The following TAS2R1 variants were observed in gnomAD, a reference collection of about 807,000 sequenced individuals.
TAS2R1 encodes taste 2 receptor member 1, also known as taste receptor type 2 member 1.
For missense variants in TAS2R1, 370 were observed against 353.4 expected, an observed-to-expected ratio of 1.05 and a Z score of -0.38; for synonymous variants, 141 against 134.2, an observed-to-expected ratio of 1.05 and a Z score of -0.35.
At chr5:9,656,634 C>A (rs1740422673) in intron 2 of TAS2R1, among the ~76,000 whole-genome samples, 1 of 152,190 alleles carries the variant, frequency 6.6e-6, no homozygotes, top group South Asian at 2.1e-4. Context: ...TTGACTCCAA[C>A]CTGTGATTCT....
the TAS2R1 span, among the ~76,000 whole-genome samples, chr5:9,720,269 G>A: frequency 3.3e-5 from 5 of 152,308 alleles, no homozygotes; most frequent in Admixed American, 6.5e-5. Flanking sequence ...GTGGATCTGC[G>A]GGTTGTAGAA....
chr5:9,747,334 A>G, the TAS2R1 span, among the ~76,000 whole-genome samples: 1 of 152,132 alleles, frequency 6.6e-6, no homozygotes, highest in Admixed American at 6.6e-5. Context: ...TGAGTGGGGT[A>G]ATTTATAAAG....
chr5:9,898,357 T>A, the TAS2R1 span, among the ~76,000 whole-genome samples: 1 of 152,164 alleles, frequency 6.6e-6, no homozygotes, highest in Non-Finnish European at 1.5e-5. Flanking sequence ...CAAAGCCTCC[T>A]CATCTCCTGG....
chr5:9,695,589 G>A (rs1741340400), intron 1 of TAS2R1, among the ~76,000 whole-genome samples: 1 of 152,152 alleles, frequency 6.6e-6, no homozygotes. Flanking sequence ...TGGGTGCACT[G>A]GGGGTGGGAG....
chr5:9,877,841 T>G, the TAS2R1 span, among the ~76,000 whole-genome samples: 1 of 152,224 alleles, frequency 6.6e-6, no homozygotes, highest in South Asian at 2.1e-4. Flanking sequence ...CTCTTCTTTT[T>G]TTTGAAGGCA....
At chr5:9,778,987 A>G in the TAS2R1 span, among the ~76,000 whole-genome samples, 1 of 152,338 alleles carries the variant, frequency 6.6e-6, no homozygotes, top group Admixed American at 6.5e-5. Flanking sequence ...TTGGCTTTCA[A>G]CATGCCTTCC....
At chr5:9,641,134 G>A (rs2126481011) in intron 2 of TAS2R1, among the ~76,000 whole-genome samples, 1 of 152,252 alleles carries the variant, frequency 6.6e-6, no homozygotes, top group African/African-American at 2.4e-5. Context: ...GGCCCTGACA[G>A]GAAACTAGCA....
chr5:9,854,858 T>C, the TAS2R1 span, among the ~76,000 whole-genome samples: 1 of 152,220 alleles, frequency 6.6e-6, no homozygotes, highest in Non-Finnish European at 1.5e-5. Context: ...TTAACCAGGG[T>C]TGAAGATCCT....
At chr5:9,857,674 G>T in the TAS2R1 span, among the ~76,000 whole-genome samples, 1 of 152,172 alleles carries the variant, frequency 6.6e-6, no homozygotes, top group East Asian at 1.9e-4. Context: ...GCTACTAGAA[G>T]ATTATTGTGT....
chr5:9,781,279 A>C, the TAS2R1 span, among the ~76,000 whole-genome samples: 1 of 152,138 alleles, frequency 6.6e-6, no homozygotes, highest in Non-Finnish European at 1.5e-5. Context: ...CTGCAGTCTG[A>C]AAATGTTAGA....
At chr5:9,660,898 G>T (rs1469676963) in intron 1 of TAS2R1, among the ~76,000 whole-genome samples, 1 of 152,092 alleles carries the variant, frequency 6.6e-6, no homozygotes, top group Non-Finnish European at 1.5e-5. Context: ...GGAGCTCAGG[G>T]CAGCCTTCAC....
chr5:9,851,887 GT>G, the TAS2R1 span, among the ~76,000 whole-genome samples: 37 of 152,318 alleles, frequency 2.4e-4, no homozygotes, highest in African/African-American at 8.7e-4. Flanking sequence ...TATCCAGTCT[GT>G]TTATTGTCTG....
the TAS2R1 span, among the ~76,000 whole-genome samples, chr5:9,828,639 T>A: frequency 6.6e-6 from 1 of 152,220 alleles, no homozygotes; most frequent in African/African-American, 2.4e-5. Context: ...TTTGCATAAT[T>A]CATATCCCTG....
At chr5:9,752,487 T>C in the TAS2R1 span, among the ~76,000 whole-genome samples, 2 of 152,198 alleles carry the variant, frequency 1.3e-5, no homozygotes, top group Non-Finnish European at 2.9e-5. Flanking sequence ...CCGTCTAGCC[T>C]GAGGCCCCTC....
chr5:9,861,223 G>C, the TAS2R1 span, among the ~76,000 whole-genome samples: 1 of 151,854 alleles, frequency 6.6e-6, no homozygotes, highest in Non-Finnish European at 1.5e-5. Context: ...TTCCCCCTTA[G>C]TGGACATTCA....
intron 2 of TAS2R1, among the ~76,000 whole-genome samples, chr5:9,659,019 G>A (rs910801175): frequency 1.3e-5 from 2 of 152,182 alleles, no homozygotes; most frequent in African/African-American, 2.4e-5. Flanking sequence ...GTATTGTCAT[G>A]CCTGTAAATT....
the TAS2R1 span, among the ~76,000 whole-genome samples, chr5:9,758,733 G>C: frequency 6.6e-6 from 1 of 152,150 alleles, no homozygotes; most frequent in Non-Finnish European, 1.5e-5. Context: ...CAGCCACTTG[G>C]AACTTAGACT....
the TAS2R1 span, among the ~76,000 whole-genome samples, chr5:9,863,715 C>G: frequency 5.0e-4 from 76 of 152,260 alleles, 1 homozygote; most frequent in East Asian, 0.014. Flanking sequence ...CATGACTGCC[C>G]AAGAACAAGA....
chr5:9,831,988 G>A, the TAS2R1 span, among the ~76,000 whole-genome samples: 3 of 152,252 alleles, frequency 2.0e-5, no homozygotes, highest in East Asian at 1.9e-4. Context: ...GAGGAATGAC[G>A]TGCGCTTCAC....
Sources: gnomAD v4.1 joint callset for allele counts (sites outside exome capture counted in the v4.1 genomes callset) on GRCh38, gnomAD v4.1.1 for gene constraint, MANE v1.5 for transcripts, NCBI Gene and HGNC (gene_info 2026-07-23, HGNC 2026-07-21) for gene names.